The following SSBP2 variants were observed in gnomAD, a reference collection of about 807,000 sequenced individuals.
SSBP2 encodes single-stranded DNA-binding protein 2.
Under a neutral mutation model 61.8 loss-of-function variants are expected in SSBP2, and 17 were observed. That is an observed-to-expected ratio of 0.28 (90% CI 0.19 to 0.41). SSBP2 has a LOEUF of 0.41. Ranked by LOEUF, SSBP2 falls within the 10% of genes least tolerant of loss-of-function variation. SSBP2 has a pLI of 1.00. For synonymous variants in SSBP2, 139 were observed against 141.3 expected, an observed-to-expected ratio of 0.98 and a Z score of 0.12; for missense variants, 310 against 458.7, an observed-to-expected ratio of 0.68 and a Z score of 2.96.
chr5:81,519,602 CCTTT>C (rs1414276663), intron 4 of SSBP2, among the ~76,000 whole-genome samples: 2 of 152,080 alleles, frequency 1.3e-5, no homozygotes, highest in Non-Finnish European at 1.5e-5. Flanking sequence ...AATGCTCCCT[CCTTT>C]CTTTCTCCTC....
intron 1 of SSBP2, among the ~76,000 whole-genome samples, chr5:81,743,862 A>G (rs1411526582): frequency 6.6e-6 from 1 of 152,242 alleles, no homozygotes; most frequent in Non-Finnish European, 1.5e-5. Context: ...GAGGAAGACC[A>G]TGAGGATGGC....
At chr5:81,490,388 TTTTG>T (rs1276592555) in intron 5 of SSBP2, among the ~76,000 whole-genome samples, 4 of 152,110 alleles carry the variant, frequency 2.6e-5, no homozygotes, top group Admixed American at 1.3e-4. Flanking sequence ...AAAATTATAA[TTTTG>T]TTTAATTACA....
chr5:81,639,829 C>A (rs1231890371), intron 2 of SSBP2, among the ~76,000 whole-genome samples: 1 of 151,894 alleles, frequency 6.6e-6, no homozygotes, highest in African/African-American at 2.4e-5. Flanking sequence ...AATTCTTATC[C>A]CAAAAGGACT....
chr5:81,627,874 C>A (rs1197708213), intron 3 of SSBP2, among the ~76,000 whole-genome samples: 1 of 151,888 alleles, frequency 6.6e-6, no homozygotes, highest in Non-Finnish European at 1.5e-5. Flanking sequence ...CCAGCCTGAG[C>A]AACAACAGCA....
At chr5:81,587,704 T>A (rs1775160154) in intron 4 of SSBP2, among the ~76,000 whole-genome samples, 1 of 151,810 alleles carries the variant, frequency 6.6e-6, no homozygotes, top group Admixed American at 6.6e-5. Flanking sequence ...CATTCCAGCC[T>A]AAGCAACAGA....
At chr5:81,509,367 C>T (rs1288306215) in intron 5 of SSBP2, among the ~76,000 whole-genome samples, 1 of 152,174 alleles carries the variant, frequency 6.6e-6, no homozygotes, top group Non-Finnish European at 1.5e-5. Flanking sequence ...GTCAACATCT[C>T]TTTGGAACTA....
At chr5:81,608,467 T>C (rs1412845685) in intron 4 of SSBP2, among the ~76,000 whole-genome samples, 1 of 152,174 alleles carries the variant, frequency 6.6e-6, no homozygotes, top group Non-Finnish European at 1.5e-5. Flanking sequence ...TTTTTGAATA[T>C]GCTAAAAAAT....
intron 1 of SSBP2, among the ~76,000 whole-genome samples, chr5:81,743,425 T>C (rs1313211273): frequency 2.0e-5 from 3 of 152,332 alleles, no homozygotes; most frequent in Non-Finnish European, 2.9e-5. Flanking sequence ...CTACACTACA[T>C]CACACTATTT....
At chr5:81,673,730 T>C (rs1751758737) in intron 1 of SSBP2, among the ~76,000 whole-genome samples, 1 of 152,158 alleles carries the variant, frequency 6.6e-6, no homozygotes, top group South Asian at 2.1e-4. Context: ...GGTTGTCAGG[T>C]ATTAGAGGGC....
chr5:81,613,899 C>T (rs1745714226), intron 4 of SSBP2, among the ~76,000 whole-genome samples: 1 of 152,166 alleles, frequency 6.6e-6, no homozygotes, highest in African/African-American at 2.4e-5. Context: ...ATGTCCTGGG[C>T]CCTGCTTTAT....
intron 4 of SSBP2, among the ~76,000 whole-genome samples, chr5:81,595,604 C>T (rs1355683342): frequency 3.3e-5 from 5 of 152,182 alleles, no homozygotes; most frequent in African/African-American, 1.2e-4. Flanking sequence ...AAAATACTGG[C>T]AAACTGAATC....
chr5:81,565,734 G>C, intron 4 of SSBP2, among the ~76,000 whole-genome samples: 1 of 152,028 alleles, frequency 6.6e-6, no homozygotes, highest in Non-Finnish European at 1.5e-5. Context: ...GCTTATTTCA[G>C]AGTAGATACT....
intron 4 of SSBP2, among the ~76,000 whole-genome samples, chr5:81,596,926 C>A (rs1268548348): frequency 1.3e-5 from 2 of 148,996 alleles, no homozygotes; most frequent in Non-Finnish European, 3.0e-5. Flanking sequence ...GACACAGGCA[C>A]GGGCAAGGAC....
intron 6 of SSBP2, among the ~76,000 whole-genome samples, chr5:81,479,523 C>T (rs759799003): frequency 5.9e-5 from 9 of 151,978 alleles, no homozygotes; most frequent in Non-Finnish European, 1.0e-4. Context: ...AACTCCTGAC[C>T]TCAAGTGATC....
At chr5:81,499,094 C>T (rs1324987000) in intron 5 of SSBP2, among the ~76,000 whole-genome samples, 1 of 152,182 alleles carries the variant, frequency 6.6e-6, no homozygotes, top group Admixed American at 6.5e-5. Context: ...CATTTTAATT[C>T]CAACTAGTAC....
At chr5:81,452,241 T>A (rs1280439446) in intron 10 of SSBP2, among the ~76,000 whole-genome samples, 1 of 152,014 alleles carries the variant, frequency 6.6e-6, no homozygotes, top group Admixed American at 6.6e-5. Flanking sequence ...AAATAAGGAG[T>A]CATGGGTTTT....
intron 4 of SSBP2, among the ~76,000 whole-genome samples, chr5:81,594,910 C>T (rs1004255889): frequency 6.6e-6 from 1 of 152,044 alleles, no homozygotes; most frequent in African/African-American, 2.4e-5. Flanking sequence ...AAAATTGACA[C>T]CCTAACATCA....
At position 81,522,481 on chromosome 5, in the gene SSBP2, A is replaced by G. The variant is rs138352921; in HGVS notation, c.283-8764T>C. Among the ~76,000 whole-genome samples the G allele has an allele frequency of 7.6e-4, 116 of 152,180 alleles. 1 individual carries two copies. The East Asian group carries it at 0.021, about 28-fold the overall frequency. On this transcript the variant is annotated intron_variant, in intron 4 of 16. Transcript: ENST00000320672. ...TGTTTACTCACACACACACAAACCC[A>G]GTTTTGTCAATAGCTAGAAAATATG...
At chr5:81,713,728 T>A (rs941330259) in intron 1 of SSBP2, among the ~76,000 whole-genome samples, 2 of 152,052 alleles carry the variant, frequency 1.3e-5, no homozygotes, top group African/African-American at 4.8e-5. Flanking sequence ...ACCACACATT[T>A]AAGGAGAGCC....
Sources: allele counts gnomAD v4.1 joint callset (sites outside exome capture counted in the v4.1 genomes callset), GRCh38; gene constraint gnomAD v4.1.1; transcripts MANE v1.5; gene names NCBI Gene and HGNC (gene_info 2026-07-23, HGNC 2026-07-21).